Variants in C1orf87 observed in about 807,000 individuals in gnomAD.
The protein encoded by C1orf87 is uncharacterized protein C1orf87.
C1orf87 carries 58 observed loss-of-function variants against 60.5 expected under a neutral mutation model. That is an observed-to-expected ratio of 0.96 (90% CI 0.78 to 1.19). The LOEUF is 1.19. C1orf87 is among the 50% of genes most tolerant of loss of function. The probability of loss-of-function intolerance (pLI) is 0.00; values close to 1 mark genes in which losing one functional copy is unlikely to be tolerated. For missense variants in C1orf87, 673 were observed against 638.6 expected, an observed-to-expected ratio of 1.05 and a Z score of -0.58; for synonymous variants, 236 against 227.4, an observed-to-expected ratio of 1.04 and a Z score of -0.34.
intron 3 of C1orf87, among the ~76,000 whole-genome samples, chr1:60,048,385 G>C (rs878869748): frequency 6.6e-6 from 1 of 152,076 alleles, no homozygotes; most frequent in South Asian, 2.1e-4. Flanking sequence ...GTGAAATTTT[G>C]CAAGACTTTG....
chr1:60,049,541 T>A (rs1481320427), intron 3 of C1orf87, among the ~76,000 whole-genome samples: 1 of 152,094 alleles, frequency 6.6e-6, no homozygotes, highest in African/African-American at 2.4e-5. Context: ...TCCTACTTTG[T>A]CAGGTGTTTA....
rs1173292303 is a variant in C1orf87, at chr1:60,064,821, A to T, written c.107+7716T>A. Among the ~76,000 whole-genome samples, 133 of 93,036 alleles carry T rather than the reference A, an allele frequency of 1.4e-3. 2 individuals carry two copies. The highest frequency in any genetic ancestry group is 5.6e-3 in the African/African-American group (128 of 22,658). The allele number at this position is 93,036 out of a possible 152,430, so 61.0% of individuals were successfully genotyped here. Reference sequence around the variant, plus strand: ...ATATAATTATATTTAATATATATAAATATATATTAAATATATAATTATATA... The same window carrying T: ...ATATAATTATATTTAATATATATAATTATATATTAAATATATAATTATATA... On this transcript the variant is annotated intron_variant, in intron 2 of 11. Transcript: ENST00000371201.
chr1:60,037,353 C>T (rs1255415203), intron 6 of C1orf87, among the ~76,000 whole-genome samples: 1 of 152,168 alleles, frequency 6.6e-6, no homozygotes, highest in Non-Finnish European at 1.5e-5. Context: ...CTATTTTGGG[C>T]TGCTATAATA....
intron 3 of C1orf87, among the ~76,000 whole-genome samples, chr1:60,046,978 T>C (rs1645376518): frequency 6.6e-6 from 1 of 152,228 alleles, no homozygotes; most frequent in East Asian, 1.9e-4. Context: ...GTAGGTGGTA[T>C]ATTTTCCTAT....
intron 3 of C1orf87, among the ~76,000 whole-genome samples, chr1:60,042,177 T>G (rs2100299924): frequency 6.6e-6 from 1 of 152,342 alleles, no homozygotes; most frequent in East Asian, 1.9e-4. Flanking sequence ...TCTTACCATA[T>G]CTGATTAAAA....
At chr1:60,062,322 C>G (rs759091113) in intron 2 of C1orf87, among the ~76,000 whole-genome samples, 1 of 152,160 alleles carries the variant, frequency 6.6e-6, no homozygotes. Context: ...ACACAACACA[C>G]ATTTTTGTGT....
intron 8 of C1orf87, among the ~76,000 whole-genome samples, chr1:60,022,810 C>T (rs1042602022): frequency 6.6e-6 from 1 of 152,102 alleles, no homozygotes; most frequent in Admixed American, 6.6e-5. Flanking sequence ...TGAACACAAG[C>T]ACTGTGATAC....
At position 59,994,778 on chromosome 1, in the gene C1orf87, T is replaced by C. The variant is rs1344711462; in HGVS notation, c.1480+2831A>G. ...GATGATGGATGGCCTGTCCTCATCC[T>C]GGATGGAGAACATGCTGGCCTACAT... On this transcript the variant is annotated intron_variant, in intron 11 of 11. Coordinates refer to ENST00000371201, the MANE Select transcript of C1orf87 (RefSeq NM_152377.3). Among the ~76,000 whole-genome samples, 7 of 152,192 alleles carry C rather than the reference T, an allele frequency of 4.6e-5. No homozygotes were observed. In the East Asian group the frequency reaches 1.3e-3, roughly 29 times the overall value.
chr1:60,064,702 A>T (rs1320504956), intron 2 of C1orf87, among the ~76,000 whole-genome samples: 1 of 104,626 alleles, frequency 9.6e-6, no homozygotes, highest in Non-Finnish European at 1.8e-5. Flanking sequence ...TAAATATATT[A>T]TTTCAATATA....
chr1:60,002,177 C>T (rs1004065550), intron 9 of C1orf87, among the ~76,000 whole-genome samples: 2 of 152,060 alleles, frequency 1.3e-5, no homozygotes, highest in African/African-American at 4.8e-5. Flanking sequence ...TTAATCAATA[C>T]ATTTTAAACA....
At position 59,997,823 on chromosome 1, in the gene C1orf87, AAAC is replaced by A. The variant is rs1644974009; in HGVS notation, c.1273-10_1273-8del. On this transcript the variant is annotated splice_polypyrimidine_tract_variant and splice_region_variant and intron_variant, in intron 10 of 11. Transcript: ENST00000371201. ...GCTCCTCTTCTGGAGTTTTCTACCA[AAAC>A]AACAAAAGCATTGGCAACACATTCA... 1 of 1,612,200 alleles carries A rather than the reference AAAC, an allele frequency of 6.2e-7. No homozygotes were observed. Among genetic ancestry groups the A allele is most frequent in the Middle Eastern group, 1.8e-4 (1 of 5,608 alleles).
intron 11 of C1orf87, among the ~76,000 whole-genome samples, chr1:59,996,105 T>A (rs950763463): frequency 1.3e-5 from 2 of 152,196 alleles, no homozygotes. Flanking sequence ...TCCCTGGATT[T>A]TGTATGGCAA....
chr1:60,072,341 G>A (rs1464525120), intron 2 of C1orf87, among the ~76,000 whole-genome samples, 196 bp downstream of exon 2: 1 of 152,116 alleles, frequency 6.6e-6, no homozygotes, highest in Non-Finnish European at 1.5e-5. Context: ...GGAGTATGGG[G>A]AATTATAAAG....
chr1:59,990,990 T>A (rs1644918013), intron 11 of C1orf87, among the ~76,000 whole-genome samples, 157 bp from the exon 12 acceptor site: 1 of 152,204 alleles, frequency 6.6e-6, no homozygotes, highest in Non-Finnish European at 1.5e-5. Flanking sequence ...TTAAAAAATA[T>A]TTATAGCTGT....
chr1:60,029,250 G>A (rs111256924), intron 7 of C1orf87, among the ~76,000 whole-genome samples: 5 of 152,158 alleles, frequency 3.3e-5, no homozygotes, highest in South Asian at 2.1e-4. Flanking sequence ...CCTCCTTGAT[G>A]TCTCCATCCC....
Position 60,025,499 on chromosome 1 carries a change from C to T in C1orf87, c.1030-1G>A. The T allele has an allele frequency of 6.3e-7, 1 of 1,579,480 alleles. No homozygotes were observed. Among genetic ancestry groups the T allele is most frequent in the South Asian group, 1.2e-5 (1 of 84,572 alleles). On this transcript the variant is annotated splice_acceptor_variant, in intron 7 of 11. Coordinates refer to ENST00000371201, the MANE Select transcript of C1orf87 (RefSeq NM_152377.3). LOFTEE classifies it high-confidence loss of function. ...CATGCTTCCCACATATAGCCCTGAC[C>T]TACAAGTTAAAAAAAAATAAAAAAG...
intron 9 of C1orf87, 119 bp from the exon 10 acceptor site, chr1:60,001,275 G>C: frequency 8.2e-6 from 6 of 733,640 alleles, no homozygotes; most frequent in Non-Finnish European, 1.2e-5. Flanking sequence ...TTGCTCTGTG[G>C]TTGGCACTGT....
chr1:60,020,096 G>A (rs988942546), intron 8 of C1orf87, among the ~76,000 whole-genome samples: 2 of 152,166 alleles, frequency 1.3e-5, no homozygotes, highest in African/African-American at 4.8e-5. Flanking sequence ...AATGTCTCTA[G>A]GTCATTTCAG....
At chr1:60,037,936 C>T (rs909395130) in intron 6 of C1orf87, 56 bp downstream of exon 6, 78 of 1,171,724 alleles carry the variant, frequency 6.7e-5, no homozygotes, top group Non-Finnish European at 8.4e-5. Context: ...TTTATAGCAG[C>T]CCACACAGAC....
Sources: allele counts gnomAD v4.1 joint callset (sites outside exome capture counted in the v4.1 genomes callset), GRCh38; gene constraint gnomAD v4.1.1; transcripts MANE v1.5; gene names NCBI Gene and HGNC (gene_info 2026-07-23, HGNC 2026-07-21).